The following CRTC3 variants were observed in gnomAD, a reference collection of about 807,000 sequenced individuals.
CRTC3 encodes CREB regulated transcription coactivator 3, also known as CREB-regulated transcription coactivator 3.
In CRTC3, 26 loss-of-function variants were observed where a neutral mutation model predicts 74.5. The observed-to-expected ratio is 0.35, with a 90% CI of 0.26 to 0.48. The LOEUF is 0.48. CRTC3 is among the 20% of genes least tolerant of loss of function. The pLI is 0.99. For synonymous variants in CRTC3, 377 were observed against 325.8 expected, an observed-to-expected ratio of 1.16 and a Z score of -1.69; for missense variants, 760 against 787.3, an observed-to-expected ratio of 0.97 and a Z score of 0.41.
intron 2 of CRTC3, among the ~76,000 whole-genome samples, chr15:90,568,669 A>G (rs1967181753): frequency 6.6e-6 from 1 of 152,172 alleles, no homozygotes; most frequent in Admixed American, 6.5e-5. Flanking sequence ...TATTGTGGGT[A>G]AAAGTGTTAC....
chr15:90,587,482 G>A (rs1567174822), intron 2 of CRTC3, among the ~76,000 whole-genome samples: 1 of 152,210 alleles, frequency 6.6e-6, no homozygotes, highest in Non-Finnish European at 1.5e-5. Flanking sequence ...AGGCACAGAA[G>A]CCTTCTCTTC....
intron 14 of CRTC3, 187 bp downstream of exon 14, chr15:90,641,386 A>C: frequency 1.7e-6 from 1 of 574,380 alleles, no homozygotes; most frequent in South Asian, 2.1e-5. Context: ...TGGGCCTGGT[A>C]GTCAAAGCCT....
intron 2 of CRTC3, among the ~76,000 whole-genome samples, chr15:90,586,362 CTTTTTTTT>C (rs55985691): frequency 2.5e-5 from 2 of 81,266 alleles, no homozygotes; most frequent in African/African-American, 5.0e-5. Flanking sequence ...GGTAGAACTT[CTTTTTTTT>C]TTTTTTTTTT....
chr15:90,619,855 C>T (rs1377469275), intron 9 of CRTC3, 65 bp downstream of exon 9: 23 of 1,364,768 alleles, frequency 1.7e-5, no homozygotes, highest in Non-Finnish European at 2.4e-5. Context: ...AAAAGTCTCG[C>T]TGCTTTGTTA....
intron 2 of CRTC3, among the ~76,000 whole-genome samples, chr15:90,546,614 C>T (rs144378059): frequency 1.3e-5 from 2 of 152,018 alleles, no homozygotes; most frequent in East Asian, 3.9e-4. Context: ...ATAAAAACAC[C>T]TGCTAGGATT....
intron 4 of CRTC3, among the ~76,000 whole-genome samples, chr15:90,603,122 T>C (rs1033297141): frequency 6.6e-6 from 1 of 152,128 alleles, no homozygotes; most frequent in Non-Finnish European, 1.5e-5. Context: ...TACTCAGATA[T>C]GGCATTCTTA....
chr15:90,550,458 T>TTTTTTTTTTG (rs1567162578), intron 2 of CRTC3, among the ~76,000 whole-genome samples: 1 of 151,364 alleles, frequency 6.6e-6, no homozygotes. Flanking sequence ...GTTTTTTTTT[T>TTTTTTTTTTG]TTTGAGTCTA....
intron 14 of CRTC3, 28 bp from the exon 15 acceptor site, chr15:90,641,902 ACT>A (rs1447576081): frequency 2.5e-6 from 4 of 1,605,892 alleles, no homozygotes; most frequent in Admixed American, 3.3e-5. Flanking sequence ...TCCTAACCGC[ACT>A]GTTTTCCCCT....
At chr15:90,592,130 CAAAG>C (rs1431097647) in intron 2 of CRTC3, among the ~76,000 whole-genome samples, 3 of 152,086 alleles carry the variant, frequency 2.0e-5, no homozygotes, top group African/African-American at 7.2e-5. Flanking sequence ...CCATGTTTAA[CAAAG>C]AAAAATTAGT....
At chr15:90,618,670 C>G (rs1438313514) in intron 8 of CRTC3, among the ~76,000 whole-genome samples, 1 of 152,226 alleles carries the variant, frequency 6.6e-6, no homozygotes, top group Non-Finnish European at 1.5e-5. Context: ...ACTATCCCCA[C>G]CTGTTTAGGA....
At chr15:90,599,294 T>G (rs1397807760) in intron 3 of CRTC3, 2 of 152,230 alleles carry the variant, frequency 1.3e-5, no homozygotes, top group Non-Finnish European at 2.9e-5. Context: ...GAGGCGCTGA[T>G]GTGGTTGTTA....
intron 2 of CRTC3, among the ~76,000 whole-genome samples, chr15:90,547,889 CTTTTTT>C (rs34721161): frequency 1.0e-5 from 1 of 100,440 alleles, no homozygotes; most frequent in Non-Finnish European, 2.0e-5. Context: ...TTTTCGTATC[CTTTTTT>C]TTTTTTTTTT....
intron 2 of CRTC3, among the ~76,000 whole-genome samples, chr15:90,544,220 ACT>A (rs767234370): frequency 4.0e-5 from 6 of 151,510 alleles, no homozygotes; most frequent in Admixed American, 1.3e-4. Context: ...TGCATCACTT[ACT>A]CTCTGCCTCT....
chr15:90,606,278 T>A (rs1567181832), intron 5 of CRTC3, among the ~76,000 whole-genome samples: 1 of 122,712 alleles, frequency 8.1e-6, no homozygotes, highest in Non-Finnish European at 1.7e-5. Flanking sequence ...TAAAATAAAA[T>A]AGGCCAGGCA....
chr15:90,589,575 G>A (rs1259076332), intron 2 of CRTC3, among the ~76,000 whole-genome samples: 2 of 152,198 alleles, frequency 1.3e-5, no homozygotes, highest in African/African-American at 2.4e-5. Flanking sequence ...GTCCAGGCTG[G>A]ACTCAAACTC....
chr15:90,613,185 GAAAAAAAAAAA>G (rs34111646), intron 6 of CRTC3, among the ~76,000 whole-genome samples: 8 of 114,190 alleles, frequency 7.0e-5, no homozygotes, highest in Non-Finnish European at 1.4e-4. Context: ...TCTGTCTCGG[GAAAAAAAAAAA>G]AAAAAAAAAA....
At chr15:90,631,664 G>A (rs2094252349) in intron 11 of CRTC3, among the ~76,000 whole-genome samples, 1 of 149,834 alleles carries the variant, frequency 6.7e-6, no homozygotes, top group African/African-American at 2.5e-5. Context: ...GGAGGTGGAA[G>A]TTTGCAGTGA....
chr15:90,530,030 A>T lies in CRTC3; in HGVS notation c.-42A>T. 1 of 1,362,232 alleles carries T rather than the reference A, an allele frequency of 7.3e-7. No homozygotes were observed. The highest frequency in any genetic ancestry group is 9.6e-7 in the Non-Finnish European group (1 of 1,039,996). The allele number at this position is 1,362,232 out of a possible 1,614,324, so 84.4% of individuals were successfully genotyped here. ...ACGGGTGGGCCGAGGTACAGGCCCC[A>T]CGGCCGCCGTCTCCCGCTTCTGCCC... is the stretch of plus-strand genomic sequence containing the variant. On this transcript the variant is annotated 5_prime_UTR_variant, in exon 1 of 15. Transcript: ENST00000268184. This position sits in a 1 kb window ranked among gnomAD's most constrained non-coding sequence, Gnocchi z 6.2.
At chr15:90,580,997 G>C (rs1244886244) in intron 2 of CRTC3, among the ~76,000 whole-genome samples, 1 of 152,218 alleles carries the variant, frequency 6.6e-6, no homozygotes, top group Non-Finnish European at 1.5e-5. Flanking sequence ...TCTCCCAAGA[G>C]ATAGTGAATG....
Sources: allele counts gnomAD v4.1 joint callset (sites outside exome capture counted in the v4.1 genomes callset), GRCh38; gene constraint gnomAD v4.1.1; non-coding constraint Gnocchi (gnomAD v3.1); transcripts MANE v1.5; gene names NCBI Gene and HGNC (gene_info 2026-07-23, HGNC 2026-07-21).